Variants in CTTNBP2NL observed in about 807,000 individuals in gnomAD.
CTTNBP2NL encodes CTTNBP2 N-terminal-like protein.
A neutral mutation model predicts 32.5 loss-of-function variants in CTTNBP2NL; 16 were observed. The ratio of observed to expected loss-of-function variants is 0.49; its 90% confidence interval spans 0.33 to 0.75. The LOEUF (loss-of-function observed/expected upper bound fraction) is 0.75. CTTNBP2NL is among the 30% of genes least tolerant of loss of function. The pLI is 0.02. For missense variants in CTTNBP2NL, 645 were observed against 756.0 expected (o/e 0.85, Z 1.72); for synonymous variants, 298 against 289.4 (o/e 1.03, Z -0.30).
At chr1:112,391,944 T>C (rs1648192486), upstream of CTTNBP2NL, among the ~76,000 whole-genome samples, 1 of 151,942 alleles carries the variant, frequency 6.6e-6, no homozygotes, top group African/African-American at 2.4e-5. Flanking sequence ...TGAGCAGAGA[T>C]TGGGCCGCTG....
intron 4 of CTTNBP2NL, among the ~76,000 whole-genome samples, chr1:112,452,677 G>A: frequency 7.1e-6 from 1 of 140,362 alleles, no homozygotes; most frequent in East Asian, 2.1e-4. Context: ...GTCTCACTCC[G>A]TTGCCTGGGC....
intron 1 of CTTNBP2NL, among the ~76,000 whole-genome samples, chr1:112,402,000 G>A (rs1406113886): frequency 6.6e-6 from 1 of 152,210 alleles, no homozygotes; most frequent in African/African-American, 2.4e-5. Context: ...GGATGATGGG[G>A]TGGGTCTACA....
chr1:112,455,149 A>T (rs967078721), intron 5 of CTTNBP2NL, among the ~76,000 whole-genome samples: 1 of 152,140 alleles, frequency 6.6e-6, no homozygotes, highest in African/African-American at 2.4e-5. Context: ...TTTCCCTCTC[A>T]CGCAGAGTCT....
intron 2 of CTTNBP2NL, chr1:112,414,984 T>G (rs916236058): frequency 6.6e-6 from 1 of 152,226 alleles, no homozygotes; most frequent in African/African-American, 2.4e-5. Context: ...GCCCAGGAGT[T>G]TGAGTCCAGT....
chr1:112,423,229 G>T (rs1381610091), intron 3 of CTTNBP2NL, among the ~76,000 whole-genome samples: 1 of 151,796 alleles, frequency 6.6e-6, no homozygotes, highest in Non-Finnish European at 1.5e-5. Flanking sequence ...TATATGCCTT[G>T]CAAATATTTT....
intron 1 of CTTNBP2NL, among the ~76,000 whole-genome samples, chr1:112,410,633 A>T (rs983142947): frequency 6.6e-6 from 1 of 152,204 alleles, no homozygotes; most frequent in Non-Finnish European, 1.5e-5. Flanking sequence ...AGACTGTAGC[A>T]TTCCTTAGAA....
upstream of CTTNBP2NL, among the ~76,000 whole-genome samples, chr1:112,394,597 C>T (rs1648265412): frequency 1.3e-5 from 2 of 152,318 alleles, no homozygotes; most frequent in African/African-American, 2.4e-5. Context: ...GATTCACTTA[C>T]ACTGCTATCG....
At chr1:112,410,828 C>T (rs570205937) in intron 1 of CTTNBP2NL, among the ~76,000 whole-genome samples, 1 of 151,218 alleles carries the variant, frequency 6.6e-6, no homozygotes, top group African/African-American at 2.4e-5. Flanking sequence ...TAAGGTAATT[C>T]GGGTCTTGGA....
chr1:112,392,013 TAAATA>T (rs1283113626), upstream of CTTNBP2NL, among the ~76,000 whole-genome samples: 1 of 151,644 alleles, frequency 6.6e-6, no homozygotes, highest in African/African-American at 2.4e-5. Flanking sequence ...AATAAATAAA[TAAATA>T]AAATAAGTCC....
chr1:112,442,011 G>A (rs1251343494), intron 3 of CTTNBP2NL, among the ~76,000 whole-genome samples: 1 of 152,240 alleles, frequency 6.6e-6, no homozygotes, highest in Non-Finnish European at 1.5e-5. Flanking sequence ...TGATGATACT[G>A]ATAATGGGGG....
At chr1:112,432,280 C>G (rs894352112) in intron 3 of CTTNBP2NL, among the ~76,000 whole-genome samples, 6 of 151,906 alleles carry the variant, frequency 3.9e-5, no homozygotes, top group African/African-American at 1.2e-4. Flanking sequence ...TCACCGTGGT[C>G]TCGATCTCCT....
rs558222660 is a variant in CTTNBP2NL at position 112,399,482 on chromosome 1, A to G, written c.-134+3210A>G. 1.4e-4 allele frequency among the ~76,000 whole-genome samples: 21 copies of G among 152,296 alleles called. 1 individual carries two copies. The South Asian group carries it at 4.1e-3, about 30-fold the overall frequency. On this transcript the variant is annotated intron_variant, in intron 1 of 5. Coordinates refer to ENST00000271277, the MANE Select transcript of CTTNBP2NL (RefSeq NM_018704.3). ...GAACAGCCTTGGGTCCCTAAGTGTAATTATACAGGCTGATTATTGATTGTG... is the reference window on the plus strand; with the variant it reads ...GAACAGCCTTGGGTCCCTAAGTGTAGTTATACAGGCTGATTATTGATTGTG...
At position 112,457,096 on chromosome 1, in the gene CTTNBP2NL, A is replaced by T. The variant is rs1414048659; in HGVS notation, c.1604A>T (p.Asn535Ile). The change falls in exon 6 of 6, where the codon AAT (asparagine) becomes ATT (isoleucine). Residue 535 changes from asparagine (N) to isoleucine (I), a missense_variant. Physicochemically the swap from Asn to Ile is moderately radical, Grantham distance 149. Coordinates refer to ENST00000271277, the MANE Select transcript of CTTNBP2NL (RefSeq NM_018704.3). ...TCTCCCTTTGGCACAGACTATCGAA[A>T]TCTAGCCAACACTGCCAATCCAAGA... is the stretch of plus-strand genomic sequence containing the variant. ...NSSPFGTDYR[N>I]LANTANPRGD... The T allele has an allele frequency of 6.2e-7, 1 of 1,614,084 alleles. No homozygotes were observed.
intron 5 of CTTNBP2NL, among the ~76,000 whole-genome samples, chr1:112,455,674 C>T (rs1650340033): frequency 1.3e-5 from 2 of 152,214 alleles, no homozygotes; most frequent in South Asian, 2.1e-4. Flanking sequence ...TCTCCACATA[C>T]GTGAAACACA....
At position 112,410,391 on chromosome 1, in the gene CTTNBP2NL, CAA is replaced by C. The variant is rs11350803; in HGVS notation, c.-133-1789_-133-1788del. 7.6e-3 allele frequency among the ~76,000 whole-genome samples: 974 copies of C among 127,402 alleles called. 7 individuals are homozygous for C. Among genetic ancestry groups the C allele is most frequent in the African/African-American group, 0.025 (834 of 33,838 alleles). The allele number at this position is 127,402 out of a possible 152,430, so 83.6% of individuals were successfully genotyped here. On this transcript the variant is annotated intron_variant, in intron 1 of 5. Transcript: ENST00000271277. ...GGGCAATGAGAGCGAAACTCCATCT[CAA>C]AAAAAAAAAAAAAGTGTTATACTTA...
upstream of CTTNBP2NL, among the ~76,000 whole-genome samples, chr1:112,395,480 C>A (rs924764615): frequency 3.3e-5 from 5 of 152,192 alleles, no homozygotes; most frequent in Admixed American, 2.0e-4. Flanking sequence ...CTGCAAACAC[C>A]ATTCCCCACA....
At chr1:112,440,142 C>A (rs1649856448) in intron 3 of CTTNBP2NL, among the ~76,000 whole-genome samples, 1 of 152,216 alleles carries the variant, frequency 6.6e-6, no homozygotes, top group Non-Finnish European at 1.5e-5. Context: ...CATTCAGAGC[C>A]TGGGCCCTGC....
At chr1:112,431,141 C>T (rs888738131) in intron 3 of CTTNBP2NL, among the ~76,000 whole-genome samples, 8 of 152,178 alleles carry the variant, frequency 5.3e-5, no homozygotes, top group African/African-American at 1.9e-4. Context: ...AGTTTTCCAG[C>T]AGTTACGGAG....
chr1:112,433,957 C>T lies in CTTNBP2NL; in HGVS notation c.100-14985C>T, dbSNP rs1262063316. Among the ~76,000 whole-genome samples, 4 of 151,702 alleles carry T rather than the reference C, an allele frequency of 2.6e-5. No homozygotes were observed. The South Asian group carries it at 6.2e-4, about 24-fold the overall frequency. ...CTTGCCATGTTGCCCAGGCTAGTCC[C>T]GAACTCCTGGGCTCAGGCAGTCTTT... On this transcript the variant is annotated intron_variant, in intron 3 of 5. Transcript: ENST00000271277.
Sources: gnomAD v4.1 joint callset for allele counts (sites outside exome capture counted in the v4.1 genomes callset) on GRCh38, gnomAD v4.1.1 for gene constraint, MANE v1.5 for transcripts, NCBI Gene and HGNC (gene_info 2026-07-23, HGNC 2026-07-21) for gene names.